Variants in IQSEC2 observed in about 807,000 individuals in gnomAD.
IQSEC2 encodes the protein IQ motif and SEC7 domain-containing protein 2.
Under a neutral mutation model 74.6 loss-of-function variants are expected in IQSEC2, and 6 were observed. That is an observed-to-expected ratio of 0.08 (90% CI 0.04 to 0.16). The LOEUF (loss-of-function observed/expected upper bound fraction) is 0.16, where lower values mean the gene tolerates loss of function less well. Ranked by LOEUF, IQSEC2 falls within the 10% of genes least tolerant of loss-of-function variation. IQSEC2 has a pLI of 1.00. For missense variants in IQSEC2, 734 were observed against 1,306.2 expected (o/e 0.56, Z 6.75); for synonymous variants, 494 against 544.5 (o/e 0.91, Z 1.29).
At chrX:53,281,192 G>A (rs781941337) in intron 2 of IQSEC2, among the ~76,000 whole-genome samples, 23 of 112,481 alleles carry the variant, frequency 2.0e-4, no homozygotes, top group Non-Finnish European at 9.4e-5. Context: ...CAGAGGCCAC[G>A]AGCCTGGAGC....
rs2146999365 is a variant in IQSEC2, at chrX:53,234,155, G to A, written c.*64C>T. ...TGAAAAAACCGAGGAAGCAAAGAGGGTGCAAGGTCCCTCTCCTGTGGCTCC... is the reference window on the plus strand; with the variant it reads ...TGAAAAAACCGAGGAAGCAAAGAGGATGCAAGGTCCCTCTCCTGTGGCTCC... On this transcript the variant is annotated 3_prime_UTR_variant, in exon 15 of 15. Transcript: ENST00000642864. 5 of 461,135 alleles carry A rather than the reference G, an allele frequency of 1.1e-5. No homozygotes were observed. In the East Asian group the frequency reaches 2.2e-4, roughly 20 times the overall value. 38.0% of individuals were successfully genotyped at this position (461,135 alleles called of 1,213,427 possible). A position where few individuals can be genotyped will look rare whatever the true frequency, so the allele number is the denominator to read the frequency against.
rs934905373 is a variant in IQSEC2, at chrX:53,296,584, G to A, written c.708-4660C>T. Among the ~76,000 whole-genome samples, 6 of 110,234 alleles carry A rather than the reference G, an allele frequency of 5.4e-5. No individual in the cohort carries two copies. The East Asian group carries it at 1.1e-3, about 21-fold the overall frequency. ...AACTTTTTTTTTGTTTGTTTGAGACGGAGCCTCACTCTGTCGCCCAGGCTG... is the reference window on the plus strand; with the variant it reads ...AACTTTTTTTTTGTTTGTTTGAGACAGAGCCTCACTCTGTCGCCCAGGCTG... On this transcript the variant is annotated intron_variant, in intron 1 of 14. Transcript: ENST00000642864.
At position 53,241,724 on chromosome X, in the gene IQSEC2, C is replaced by G; in HGVS notation, c.3015+60G>C. On this transcript the variant is annotated intron_variant, in intron 10 of 14. Transcript: ENST00000642864. ...CACACCTACATCAATATGGTTCACA[C>G]CAGACTTAGGTGTCAAGCTCACTCT... The G allele has an allele frequency of 1.1e-5, 13 of 1,195,293 alleles. No homozygotes were observed. In the South Asian group the frequency reaches 2.0e-4, roughly 18 times the overall value.
rs782394320 is a variant in IQSEC2, at chrX:53,312,818, T to C, written c.707+7599A>G. On this transcript the variant is annotated intron_variant, in intron 1 of 14. Coordinates refer to ENST00000642864, the MANE Select transcript of IQSEC2 (RefSeq NM_001111125.3). ...AATGACAATAATTCTAAAGTGGTTATATGAAGGAAAATATTGGTTTTATTC... is the reference window on the plus strand; with the variant it reads ...AATGACAATAATTCTAAAGTGGTTACATGAAGGAAAATATTGGTTTTATTC... Among the ~76,000 whole-genome samples the C allele has an allele frequency of 2.3e-4, 26 of 112,343 alleles. 1 individual carries two copies. In the East Asian group the frequency reaches 6.4e-3, roughly 28 times the overall value.
chrX:53,235,726 T>A (rs1470491930), intron 14 of IQSEC2, 57 bp downstream of exon 14: 3 of 1,130,874 alleles, frequency 2.7e-6, no homozygotes, highest in Non-Finnish European at 3.6e-6. Flanking sequence ...CCTCTGGGTC[T>A]CCATGGCCGG....
At chrX:53,240,890 T>C (rs1322091115) in intron 10 of IQSEC2, among the ~76,000 whole-genome samples, 1 of 110,069 alleles carries the variant, frequency 9.1e-6, no homozygotes, top group Admixed American at 9.6e-5. Flanking sequence ...TTCTCCTGCC[T>C]TGGCCTCCCC....
chrX:53,234,716 C>T lies in IQSEC2; in HGVS notation c.3970G>A (p.Ala1324Thr), dbSNP rs1057521942. 8.5e-5 allele frequency: 94 copies of T among 1,111,501 alleles called. No individual in the cohort carries two copies. The highest frequency in any genetic ancestry group is 1.0e-4 in the Non-Finnish European group (88 of 845,662). The allele number at this position is 1,111,501 out of a possible 1,213,427, so 91.6% of individuals were successfully genotyped here. The change falls in exon 15 of 15, where the codon GCC (alanine) becomes ACC (threonine). Residue 1324 changes from alanine to threonine, a missense_variant. By Grantham distance (58) the Ala-to-Thr change is moderately conservative. Transcript: ENST00000642864. ...PPVGPHRHFH[A>T]HGPVPGPQHY... Reference sequence around the variant, plus strand: ...TGGGGCCCTGGGACTGGGCCATGGGCGTGGAAGTGGCGATGTGGCCCCACA... The same window carrying T: ...TGGGGCCCTGGGACTGGGCCATGGGTGTGGAAGTGGCGATGTGGCCCCACA...
At chrX:53,266,753 T>C (rs1410774468) in intron 2 of IQSEC2, 1 of 964,503 alleles carries the variant, frequency 1.0e-6, no homozygotes, top group Non-Finnish European at 1.3e-6. Flanking sequence ...CCAGCTCTCT[T>C]TAATTCAGGG....
At chrX:53,236,964 C>T (rs782437739) in intron 12 of IQSEC2, among the ~76,000 whole-genome samples, 14 of 111,686 alleles carry the variant, frequency 1.3e-4, no homozygotes, top group Admixed American at 4.7e-4. Context: ...TACCTTGCTC[C>T]GGAGCAGAGG....
chrX:53,280,659 C>T (rs782809331), intron 2 of IQSEC2, among the ~76,000 whole-genome samples: 1 of 110,341 alleles, frequency 9.1e-6, no homozygotes, highest in Non-Finnish European at 1.9e-5. Context: ...ATGCTGTGCC[C>T]CCACCACCCC....
intron 1 of IQSEC2, among the ~76,000 whole-genome samples, chrX:53,308,163 C>CAAAAAAAA (rs142766855): frequency 2.6e-5 from 1 of 37,750 alleles, no homozygotes; most frequent in Non-Finnish European, 4.3e-5. Context: ...GACTCCATCT[C>CAAAAAAAA]AAAAAAAAAA....
Position 53,250,554 on chromosome X carries a change from A to T in IQSEC2, c.2022T>A (p.Gly674=), listed in dbSNP as rs1471608548. ...PAPNSGTGPS[G]VAGGRRLGKC... ...TCCCCAACCTCCGACCCCCAGCCAC[A>T]CCACTGGGCCCAGTGCCACTGTTGG... is the stretch of plus-strand genomic sequence containing the variant. Residue 674 remains glycine (G), a synonymous_variant, in exon 5 of 15, where the codon GGT becomes GGA. Coordinates refer to ENST00000642864, the MANE Select transcript of IQSEC2 (RefSeq NM_001111125.3). 1.1e-5 allele frequency: 13 copies of T among 1,209,836 alleles called. No homozygotes were observed. The highest frequency in any genetic ancestry group is 1.7e-5 in the African/African-American group (1 of 57,283).
intron 2 of IQSEC2, among the ~76,000 whole-genome samples, chrX:53,260,474 T>C (rs1556866293): frequency 3.6e-5 from 4 of 111,715 alleles, no homozygotes; most frequent in African/African-American, 9.8e-5. Flanking sequence ...AGGAGGGACA[T>C]GATCTAACTT....
chrX:53,286,361 C>T (rs189200696), intron 2 of IQSEC2, among the ~76,000 whole-genome samples: 44 of 112,292 alleles, frequency 3.9e-4, no homozygotes, highest in Admixed American at 1.5e-3. Flanking sequence ...GCCTCTGAGC[C>T]GACCAGCTCT....
intron 2 of IQSEC2, among the ~76,000 whole-genome samples, chrX:53,284,573 G>A (rs897430192): frequency 1.4e-4 from 16 of 111,390 alleles, no homozygotes; most frequent in African/African-American, 5.2e-4. Flanking sequence ...CTGGGAACCT[G>A]CCTTGACCCC....
intron 9 of IQSEC2, among the ~76,000 whole-genome samples, chrX:53,242,120 C>G (rs2074232098): frequency 9.0e-6 from 1 of 111,713 alleles, no homozygotes; most frequent in Non-Finnish European, 1.9e-5. Context: ...TCTGCATGGT[C>G]ATATTTCAAC....
At chrX:53,229,226 G>A (rs1269326461), downstream of IQSEC2, 4 of 112,281 alleles carry the variant, frequency 3.6e-5, no homozygotes, top group African/African-American at 1.3e-4. Context: ...ATGTGCCACA[G>A]GACACAGGGG....
At chrX:53,289,460 AACCC>A (rs1556872554) in intron 2 of IQSEC2, among the ~76,000 whole-genome samples, 2 of 110,422 alleles carry the variant, frequency 1.8e-5, no homozygotes, top group African/African-American at 6.6e-5. Flanking sequence ...CCTGTCTCTA[AACCC>A]ACCCCCCTCG....
At chrX:53,229,533 C>G (rs1353512005), downstream of IQSEC2, 2 of 109,388 alleles carry the variant, frequency 1.8e-5, no homozygotes, top group Non-Finnish European at 3.8e-5. Context: ...AGACCTCCAT[C>G]TCTACAAAAA....
Sources: allele counts gnomAD v4.1 joint callset (sites outside exome capture counted in the v4.1 genomes callset), GRCh38; gene constraint gnomAD v4.1.1; transcripts MANE v1.5; gene names NCBI Gene and HGNC (gene_info 2026-07-23, HGNC 2026-07-21).